The following AFF2 variants were observed in gnomAD, a reference collection of about 807,000 sequenced individuals.
AFF2 encodes AF4/FMR2 family member 2.
A neutral mutation model predicts 76.9 loss-of-function variants in AFF2; 14 were observed. That is an observed-to-expected ratio of 0.18 (90% CI 0.12 to 0.28). AFF2 has a LOEUF of 0.28. Ranked by LOEUF, AFF2 falls within the 10% of genes least tolerant of loss-of-function variation. The pLI, the probability that AFF2 is intolerant of heterozygous loss-of-function variation, is 1.00. For synonymous variants in AFF2, 398 were observed against 366.7 expected, an observed-to-expected ratio of 1.09 and a Z score of -0.98; for missense variants, 868 against 1,001.1, an observed-to-expected ratio of 0.87 and a Z score of 1.79.
intron 2 of AFF2, among the ~76,000 whole-genome samples, chrX:148,655,786 G>A (rs782359224): frequency 9.0e-6 from 1 of 111,566 alleles, no homozygotes; most frequent in South Asian, 3.8e-4. Context: ...CCAAGACTGG[G>A]CTTGATATCC....
At chrX:148,922,348 G>C (rs2071605402) in intron 9 of AFF2, among the ~76,000 whole-genome samples, 2 of 111,532 alleles carry the variant, frequency 1.8e-5, no homozygotes, top group South Asian at 7.5e-4. Context: ...AGCTTTAGTT[G>C]GTCCAAAGTC....
At chrX:148,814,320 C>T (rs782195911) in intron 4 of AFF2, among the ~76,000 whole-genome samples, 5 of 111,795 alleles carry the variant, frequency 4.5e-5, no homozygotes, top group Non-Finnish European at 7.5e-5. Flanking sequence ...AGGATGGATG[C>T]TCAATGATTA....
intron 1 of AFF2, among the ~76,000 whole-genome samples, chrX:148,587,057 A>G: frequency 8.9e-6 from 1 of 111,930 alleles, no homozygotes; most frequent in Non-Finnish European, 1.9e-5. Context: ...TTTACGAGGT[A>G]AAAGTGTTCC....
intron 7 of AFF2, among the ~76,000 whole-genome samples, chrX:148,847,358 G>A (rs1557274858): frequency 8.9e-6 from 1 of 111,795 alleles, no homozygotes; most frequent in Non-Finnish European, 1.9e-5. Flanking sequence ...GGACTGTTGA[G>A]GAGATGGCAG....
chrX:148,646,248 G>A, intron 1 of AFF2, among the ~76,000 whole-genome samples: 1 of 111,779 alleles, frequency 8.9e-6, no homozygotes, highest in Non-Finnish European at 1.9e-5. Flanking sequence ...CTGTGAATAT[G>A]CTAAAAACCA....
At chrX:148,806,101 G>A in intron 3 of AFF2, among the ~76,000 whole-genome samples, 1 of 112,970 alleles carries the variant, frequency 8.9e-6, no homozygotes. Flanking sequence ...ACGGGCAGCA[G>A]TTCTAATCCC....
At chrX:148,942,787 G>C (rs2071853933) in intron 9 of AFF2, among the ~76,000 whole-genome samples, 1 of 100,155 alleles carries the variant, frequency 1.0e-5, no homozygotes, top group African/African-American at 3.6e-5. Context: ...CTGCACTCCA[G>C]CCCAGGCGAT....
At position 148,807,446 on chromosome X, in the gene AFF2, T is replaced by C. The variant is rs2070150631; in HGVS notation, c.1042-2430T>C. ...AAGGATGGGTATTACTATTATTCTT[T>C]CCTTTTCTTTTACATTTGGAAAAAC... is the stretch of plus-strand genomic sequence containing the variant. On this transcript the variant is annotated intron_variant, in intron 3 of 20. Transcript: ENST00000370460. 2.7e-5 allele frequency among the ~76,000 whole-genome samples: 3 copies of C among 111,978 alleles called. No homozygotes were observed. The Admixed American group carries it at 2.8e-4, about 11-fold the overall frequency.
At chrX:148,769,867 AT>A (rs1199403469) in intron 3 of AFF2, among the ~76,000 whole-genome samples, 1 of 111,639 alleles carries the variant, frequency 9.0e-6, no homozygotes, top group Non-Finnish European at 1.9e-5. Context: ...AAAGAAGTGC[AT>A]TTTGCAAACC....
At position 148,695,408 on chromosome X, in the gene AFF2, T is replaced by C. The variant is rs532750440; in HGVS notation, c.1041+32640T>C. On this transcript the variant is annotated intron_variant, in intron 3 of 20. Coordinates refer to ENST00000370460, the MANE Select transcript of AFF2 (RefSeq NM_002025.4). ...ATATAGAATCCGAAGACAGGCCTGA[T>C]GAATAACAATACCATCTGACAGCAA... Among the ~76,000 whole-genome samples the C allele has an allele frequency of 7.1e-5, 8 of 112,035 alleles. No individual in the cohort carries two copies. In the South Asian group the frequency reaches 3.0e-3, roughly 42 times the overall value.
chrX:148,584,356 A>C (rs781960583), intron 1 of AFF2, among the ~76,000 whole-genome samples: 33 of 111,523 alleles, frequency 3.0e-4, no homozygotes, highest in African/African-American at 1.0e-3. Context: ...GGGTCTGAGA[A>C]ACTGTTAAAA....
At chrX:148,601,758 A>C (rs1283005213) in intron 1 of AFF2, among the ~76,000 whole-genome samples, 1 of 112,006 alleles carries the variant, frequency 8.9e-6, no homozygotes, top group Non-Finnish European at 1.9e-5. Flanking sequence ...TATAAATTTC[A>C]ATATTTTAAT....
chrX:148,959,644 G>A (rs1392412420), intron 12 of AFF2, among the ~76,000 whole-genome samples: 1 of 112,235 alleles, frequency 8.9e-6, no homozygotes, highest in African/African-American at 3.2e-5. Context: ...TTATTGGTGA[G>A]GTTCATCAGT....
intron 3 of AFF2, among the ~76,000 whole-genome samples, chrX:148,700,174 A>G (rs1156574054): frequency 9.0e-6 from 1 of 111,263 alleles, no homozygotes; most frequent in African/African-American, 3.3e-5. Context: ...GATAATTCAG[A>G]CAAAAAATTA....
chrX:148,506,987 C>T (rs1394417023), intron 1 of AFF2, among the ~76,000 whole-genome samples: 1 of 112,178 alleles, frequency 8.9e-6, no homozygotes, highest in Admixed American at 9.4e-5. Flanking sequence ...TAAATATCCA[C>T]GTTGCTTCCT....
chrX:148,966,360 A>G (rs1188162250), intron 13 of AFF2, among the ~76,000 whole-genome samples: 1 of 111,200 alleles, frequency 9.0e-6, no homozygotes, highest in African/African-American at 3.3e-5. Flanking sequence ...TGGTTCCCTT[A>G]TCAAAAATAC....
At chrX:148,558,290 C>T (rs1052812507) in intron 1 of AFF2, among the ~76,000 whole-genome samples, 1 of 111,122 alleles carries the variant, frequency 9.0e-6, no homozygotes, top group Non-Finnish European at 1.9e-5. Context: ...GTTGTGCGGG[C>T]GAGTGGCTCT....
intron 18 of AFF2, among the ~76,000 whole-genome samples, chrX:148,980,205 C>A (rs2072375025): frequency 8.9e-6 from 1 of 112,194 alleles, no homozygotes; most frequent in Non-Finnish European, 1.9e-5. Context: ...GGACCAGTCA[C>A]TTTGTTAAAT....
At chrX:148,837,816 G>T in intron 5 of AFF2, 83 bp downstream of exon 5, 1 of 634,162 alleles carries the variant, frequency 1.6e-6, no homozygotes, top group South Asian at 2.7e-5. Flanking sequence ...TGGCAAAAAT[G>T]GCCTTGGTCT....
Sources: gnomAD v4.1 joint callset for allele counts (sites outside exome capture counted in the v4.1 genomes callset) on GRCh38, gnomAD v4.1.1 for gene constraint, MANE v1.5 for transcripts, NCBI Gene and HGNC (gene_info 2026-07-23, HGNC 2026-07-21) for gene names.